Variants in SLC2A9 observed in about 807,000 individuals in gnomAD.
The protein encoded by SLC2A9 is solute carrier family 2, facilitated glucose transporter member 9.
Under a neutral mutation model 50.6 loss-of-function variants are expected in SLC2A9, and 39 were observed. The ratio of observed to expected loss-of-function variants is 0.77; its 90% confidence interval spans 0.60 to 1.01. SLC2A9 has a LOEUF of 1.01. SLC2A9 is among the 50% of genes least tolerant of loss of function. The probability of loss-of-function intolerance (pLI) is 0.00; values close to 1 mark genes in which losing one functional copy is unlikely to be tolerated. For missense variants in SLC2A9, 686 were observed against 677.6 expected, an observed-to-expected ratio of 1.01 and a Z score of -0.14; for synonymous variants, 324 against 276.9, an observed-to-expected ratio of 1.17 and a Z score of -1.69.
At chr4:9,908,979 G>A (rs892634207) in intron 7 of SLC2A9, among the ~76,000 whole-genome samples, 2 of 152,136 alleles carry the variant, frequency 1.3e-5, no homozygotes, top group Admixed American at 6.5e-5. Flanking sequence ...ATTACTAGGT[G>A]ACTTCAGAAC....
At chr4:9,857,317 C>T (rs1423725112) in intron 10 of SLC2A9, among the ~76,000 whole-genome samples, 1 of 152,130 alleles carries the variant, frequency 6.6e-6, no homozygotes, top group Non-Finnish European at 1.5e-5. Context: ...GTACTGAGTT[C>T]CTGCTTGGAG....
chr4:9,969,054 T>C (rs1464312502), intron 5 of SLC2A9, among the ~76,000 whole-genome samples: 3 of 152,170 alleles, frequency 2.0e-5, no homozygotes, highest in Non-Finnish European at 4.4e-5. Context: ...AAATTAAATC[T>C]TTTTGACATA....
rs558991990 is a variant in SLC2A9, at chr4:9,876,005, T to G, written c.1291+11562A>C. On this transcript the variant is annotated intron_variant, in intron 10 of 11. Transcript: ENST00000264784. ...TGGTTCTCAGAATCTCAAAATAGTT[T>G]TTGATAAAAGCGGAAATGAATCTCT... Among the ~76,000 whole-genome samples the G allele has an allele frequency of 1.7e-4, 26 of 152,328 alleles. No homozygotes were observed. In the South Asian group the frequency reaches 5.2e-3, roughly 30 times the overall value.
intron 3 of SLC2A9, among the ~76,000 whole-genome samples, chr4:9,788,181 T>C (rs1719464933): frequency 6.6e-6 from 1 of 151,966 alleles, no homozygotes; most frequent in Non-Finnish European, 1.5e-5. Context: ...AGAATCTTGG[T>C]TTTTTAGTTT....
intron 8 of SLC2A9, among the ~76,000 whole-genome samples, chr4:9,896,220 A>G (rs1471701695): frequency 6.6e-6 from 1 of 152,232 alleles, no homozygotes; most frequent in Non-Finnish European, 1.5e-5. Context: ...TCCCACCAGC[A>G]GTGGATGAGC....
downstream of SLC2A9, among the ~76,000 whole-genome samples, chr4:9,795,736 G>A (rs1198211066): frequency 6.6e-6 from 1 of 152,178 alleles, no homozygotes; most frequent in African/African-American, 2.4e-5. Context: ...TATATGGTGA[G>A]GGACGCATTG....
intron 10 of SLC2A9, among the ~76,000 whole-genome samples, chr4:9,885,653 G>A (rs2109711207): frequency 6.6e-6 from 1 of 152,338 alleles, no homozygotes; most frequent in East Asian, 1.9e-4. Flanking sequence ...CTTCAGCACA[G>A]TTCTAGGTTA....
intron 6 of SLC2A9, among the ~76,000 whole-genome samples, chr4:9,937,736 G>A (rs1269832137): frequency 6.6e-6 from 1 of 152,184 alleles, no homozygotes; most frequent in East Asian, 1.9e-4. Context: ...TCCAGGTAAG[G>A]CCACCACAGA....
chr4:9,935,439 T>C (rs1241863432), intron 6 of SLC2A9, among the ~76,000 whole-genome samples: 1 of 152,236 alleles, frequency 6.6e-6, no homozygotes, highest in Non-Finnish European at 1.5e-5. Context: ...TCCAGGAGCC[T>C]TGGGCCTGAC....
chr4:9,997,490 A>G (rs938062883), intron 2 of SLC2A9, among the ~76,000 whole-genome samples: 3 of 152,198 alleles, frequency 2.0e-5, no homozygotes, highest in Non-Finnish European at 4.4e-5. Context: ...ACTTGAGGCC[A>G]GGAGTTCGAG....
At chr4:10,027,378 C>T (rs1198510086) in intron 1 of SLC2A9, among the ~76,000 whole-genome samples, 1 of 152,290 alleles carries the variant, frequency 6.6e-6, no homozygotes, top group Non-Finnish European at 1.5e-5. Context: ...GATCCCGTCG[C>T]CTCCTGTTTA....
At chr4:9,911,024 G>A (rs1878278) in intron 7 of SLC2A9, among the ~76,000 whole-genome samples, 23,288 of 151,448 alleles carry the variant, frequency 0.15, 2,034 homozygotes, top group Admixed American at 0.24. Flanking sequence ...GAGGAGGGAT[G>A]GCATTAGGAG....
chr4:9,777,161 G>T (rs1468788678), downstream of SLC2A9, among the ~76,000 whole-genome samples: 1 of 152,138 alleles, frequency 6.6e-6, no homozygotes, highest in Non-Finnish European at 1.5e-5. Context: ...GAAAGATAAG[G>T]AATATGTTTT....
chr4:9,914,606 G>T (rs578204542), intron 7 of SLC2A9, among the ~76,000 whole-genome samples: 9 of 152,302 alleles, frequency 5.9e-5, no homozygotes, highest in Non-Finnish European at 1.5e-5. Context: ...CCAAGGCAGG[G>T]CAATTGACCA....
At chr4:9,783,539 A>T in intron 3 of SLC2A9, 2 of 1,341,356 alleles carry the variant, frequency 1.5e-6, no homozygotes, top group South Asian at 1.4e-5. Context: ...ACGCAAATAC[A>T]TGCCTTTCCA....
intron 3 of SLC2A9, among the ~76,000 whole-genome samples, chr4:9,819,116 CAAAAAAAAA>C (rs60751108): frequency 1.7e-4 from 10 of 57,368 alleles, no homozygotes; most frequent in African/African-American, 5.4e-4. Context: ...GAGACTGTCT[CAAAAAAAAA>C]AAAAAAAAAA....
At chr4:9,999,072 C>A (rs1238677874) in intron 2 of SLC2A9, among the ~76,000 whole-genome samples, 1 of 87,528 alleles carries the variant, frequency 1.1e-5, no homozygotes, top group African/African-American at 4.2e-5. Context: ...CTTGGTAGGT[C>A]CTTCTTTTTT....
chr4:9,802,769 G>T (rs1218205183), intron 3 of SLC2A9, among the ~76,000 whole-genome samples: 4 of 152,102 alleles, frequency 2.6e-5, no homozygotes, highest in African/African-American at 7.2e-5. Flanking sequence ...CACCATGTTG[G>T]CCGGGCTGGT....
At chr4:9,779,295 A>G (rs1302562615), downstream of SLC2A9, among the ~76,000 whole-genome samples, 2 of 151,460 alleles carry the variant, frequency 1.3e-5, no homozygotes, top group East Asian at 3.9e-4. Flanking sequence ...GCCTTGGCCA[A>G]CCTCCCCAAC....
Sources: allele counts gnomAD v4.1 joint callset (sites outside exome capture counted in the v4.1 genomes callset), GRCh38; gene constraint gnomAD v4.1.1; transcripts MANE v1.5; gene names NCBI Gene and HGNC (gene_info 2026-07-23, HGNC 2026-07-21).